UBLCP1: variants seen among roughly 807,000 people sequenced by gnomAD.
The protein encoded by UBLCP1 is ubiquitin like domain containing CTD phosphatase 1.
A neutral mutation model predicts 42.4 loss-of-function variants in UBLCP1; 28 were observed. The observed-to-expected ratio is 0.66, with a 90% CI of 0.49 to 0.90. UBLCP1 has a LOEUF of 0.90. Ranked by LOEUF, UBLCP1 falls within the 40% of genes least tolerant of loss-of-function variation. The probability of loss-of-function intolerance (pLI) is 0.00; values close to 1 mark genes in which losing one functional copy is unlikely to be tolerated. For missense variants in UBLCP1, 279 were observed against 374.5 expected (o/e 0.75, Z 2.10); for synonymous variants, 122 against 120.8 (o/e 1.01, Z -0.07).
At position 159,285,030 on chromosome 5, in the gene UBLCP1, A is replaced by G; in HGVS notation, c.*99A>G. 8.9e-7 allele frequency: 1 copy of G among 1,118,748 alleles called. No homozygotes were observed. The highest frequency in any genetic ancestry group is 1.3e-5 in the South Asian group (1 of 77,614). The allele number at this position is 1,118,748 out of a possible 1,614,324, so 69.3% of individuals were successfully genotyped here. On this transcript the variant is annotated 3_prime_UTR_variant, in exon 11 of 11. Coordinates refer to ENST00000296786, the MANE Select transcript of UBLCP1 (RefSeq NM_145049.5). ...ATGATAGTGCTGGACACTGAAGCAA[A>G]TACCATACTGCTTATACTTGGTCTT... is the stretch of plus-strand genomic sequence containing the variant.
chr5:159,283,935 G>A (rs1462591995), intron 10 of UBLCP1, among the ~76,000 whole-genome samples: 1 of 152,066 alleles, frequency 6.6e-6, no homozygotes, highest in East Asian at 1.9e-4. Context: ...AAGGTTTTGA[G>A]ACAGAGAAAA....
chr5:159,275,093 A>T, intron 7 of UBLCP1, 55 bp from the exon 8 acceptor site: 4 of 1,500,520 alleles, frequency 2.7e-6, no homozygotes, highest in Non-Finnish European at 3.7e-6. Context: ...TATTCAGAAA[A>T]TCTGAAATTT....
At chr5:159,269,107 T>A (rs751097307) in intron 2 of UBLCP1, 38 bp downstream of exon 2, 3 of 1,420,254 alleles carry the variant, frequency 2.1e-6, no homozygotes, top group Non-Finnish European at 2.8e-6. Flanking sequence ...TGCATTGAAT[T>A]TTTAGTATTA....
chr5:159,270,193 T>G (rs1163264278), intron 3 of UBLCP1, among the ~76,000 whole-genome samples, 167 bp from the exon 4 acceptor site: 2 of 152,170 alleles, frequency 1.3e-5, no homozygotes, highest in Non-Finnish European at 2.9e-5. Flanking sequence ...ATATGGTAAA[T>G]CTGCCCAGGA....
chr5:159,277,914 A>G (rs899060359), intron 8 of UBLCP1, among the ~76,000 whole-genome samples: 1 of 152,246 alleles, frequency 6.6e-6, no homozygotes, highest in African/African-American at 2.4e-5. Flanking sequence ...ATGTGACTGC[A>G]TAGCAGACAT....
At chr5:159,278,490 A>G in intron 9 of UBLCP1, 136 bp downstream of exon 9, 1 of 701,710 alleles carries the variant, frequency 1.4e-6, no homozygotes, top group Non-Finnish European at 2.6e-6. Context: ...AAGTTTAAGA[A>G]TAATTCATAT....
intron 5 of UBLCP1, 85 bp from the exon 6 acceptor site, chr5:159,271,938 A>G: frequency 1.1e-6 from 1 of 901,522 alleles, no homozygotes; most frequent in Non-Finnish European, 1.7e-6. Context: ...TGCATTTCGT[A>G]ATATATTACA....
chr5:159,265,251 G>T (rs1753375899), intron 1 of UBLCP1, among the ~76,000 whole-genome samples: 2 of 152,154 alleles, frequency 1.3e-5, no homozygotes, highest in East Asian at 3.8e-4. Context: ...TGGAAGTGGA[G>T]ATTAAAAATT....
intron 7 of UBLCP1, among the ~76,000 whole-genome samples, chr5:159,274,903 C>T (rs1753514345): frequency 6.6e-6 from 1 of 152,126 alleles, no homozygotes; most frequent in African/African-American, 2.4e-5. Context: ...CTCTAGTGTG[C>T]AATACTTAAA....
chr5:159,278,914 C>T (rs1584741230), intron 9 of UBLCP1, among the ~76,000 whole-genome samples: 1 of 152,284 alleles, frequency 6.6e-6, no homozygotes, highest in East Asian at 1.9e-4. Context: ...GCAACATGGG[C>T]TTCCCAACAT....
In UBLCP1 at chr5:159,272,015, T is replaced by G; in HGVS notation, c.449-8T>G. The G allele has an allele frequency of 6.2e-7, 1 of 1,603,126 alleles. No homozygotes were observed. The highest frequency in any genetic ancestry group is 8.5e-7 in the Non-Finnish European group (1 of 1,171,260). ...ACTAATAATTATTTATGATCAATTT[T>G]CTTTTAGACCACAGGTCTTGTGCAG... is the stretch of plus-strand genomic sequence containing the variant. On this transcript the variant is annotated splice_region_variant and splice_polypyrimidine_tract_variant and intron_variant, in intron 5 of 10. Coordinates refer to ENST00000296786, the MANE Select transcript of UBLCP1 (RefSeq NM_145049.5).
chr5:159,270,698 T>C, intron 5 of UBLCP1, 55 bp downstream of exon 5: 1 of 1,203,226 alleles, frequency 8.3e-7, no homozygotes, highest in Admixed American at 2.7e-5. Flanking sequence ...ACTCTTTTTT[T>C]CTTTTCTTTG....
At chr5:159,280,830 A>T (rs1753598835) in intron 9 of UBLCP1, among the ~76,000 whole-genome samples, 1 of 152,218 alleles carries the variant, frequency 6.6e-6, no homozygotes, top group African/African-American at 2.4e-5. Context: ...AAGAATGTGA[A>T]TCTTGGTCAT....
chr5:159,285,187 A>C lies in UBLCP1; in HGVS notation c.*256A>C, dbSNP rs151062950. On this transcript the variant is annotated 3_prime_UTR_variant, in exon 11 of 11. Transcript: ENST00000296786. ...TCCAGCGTTGGTTACTGACCACCCC[A>C]CCCTCCCACCACACACACACACACA... The C allele has an allele frequency of 7.8e-4, 243 of 310,136 alleles. No homozygotes were observed. The highest frequency in any genetic ancestry group is 1.9e-3 in the African/African-American group (67 of 35,958). The allele number at this position is 310,136 out of a possible 1,614,324, so 19.2% of individuals were successfully genotyped here. A position where few individuals can be genotyped will look rare whatever the true frequency, so the allele number is the denominator to read the frequency against.
chr5:159,281,995 AT>A (rs372345574), intron 9 of UBLCP1, among the ~76,000 whole-genome samples: 36 of 151,340 alleles, frequency 2.4e-4, no homozygotes, highest in Admixed American at 1.4e-3. Flanking sequence ...AATATGTATG[AT>A]TTTTTTTTAA....
chr5:159,281,741 TA>T (rs1223466218), intron 9 of UBLCP1, among the ~76,000 whole-genome samples: 2 of 152,162 alleles, frequency 1.3e-5, no homozygotes, highest in Admixed American at 6.5e-5. Flanking sequence ...TCCCTACACT[TA>T]ATAGGTATGG....
Position 159,275,186 on chromosome 5 carries a change from T to G in UBLCP1, c.624T>G (p.Thr208=), listed in dbSNP as rs762981507. The G allele has an allele frequency of 1.9e-6, 3 of 1,613,400 alleles. No homozygotes were observed. The highest frequency in any genetic ancestry group is 2.5e-6 in the Non-Finnish European group (3 of 1,179,836). The change falls in exon 8 of 11, where the codon ACT becomes ACG. Residue 208 remains threonine (T), a synonymous_variant. Coordinates refer to ENST00000296786, the MANE Select transcript of UBLCP1 (RefSeq NM_145049.5). ...GVSTNANYKI[T]FMLDSAAMIT... Reference sequence around the variant, plus strand: ...GCACAAATGCAAATTATAAGATTACTTTCATGTTGGATAGTGCTGCTATGA... The same window carrying G: ...GCACAAATGCAAATTATAAGATTACGTTCATGTTGGATAGTGCTGCTATGA...
intron 8 of UBLCP1, among the ~76,000 whole-genome samples, chr5:159,275,945 G>A (rs1753531287): frequency 1.3e-5 from 2 of 152,178 alleles, no homozygotes; most frequent in South Asian, 2.1e-4. Context: ...CATGATGCAT[G>A]TACTTTGGGA....
intron 7 of UBLCP1, 113 bp from the exon 8 acceptor site, chr5:159,275,035 G>T: frequency 1.2e-6 from 1 of 819,500 alleles, no homozygotes; most frequent in Non-Finnish European, 2.0e-6. Context: ...GCAAGATGTA[G>T]TGGCCAGTGG....
Sources: gnomAD v4.1 joint callset for allele counts (sites outside exome capture counted in the v4.1 genomes callset) on GRCh38, gnomAD v4.1.1 for gene constraint, MANE v1.5 for transcripts, NCBI Gene and HGNC (gene_info 2026-07-23, HGNC 2026-07-21) for gene names.